ALOX12B: variants seen among roughly 807,000 people sequenced by gnomAD.
The protein encoded by ALOX12B is arachidonate 12-lipoxygenase, 12R-type.
ALOX12B carries 47 observed loss-of-function variants against 78.9 expected under a neutral mutation model. The ratio of observed to expected loss-of-function variants is 0.60; its 90% confidence interval spans 0.47 to 0.76. ALOX12B has a LOEUF of 0.76. ALOX12B is among the 30% of genes least tolerant of loss of function. The probability of loss-of-function intolerance (pLI) is 0.00; values close to 1 mark genes in which losing one functional copy is unlikely to be tolerated. For missense variants in ALOX12B, 805 were observed against 922.6 expected (o/e 0.87, Z 1.65); for synonymous variants, 370 against 374.5 (o/e 0.99, Z 0.14).
intron 2 of ALOX12B, 183 bp from the exon 3 acceptor site, chr17:8,081,370 G>A: frequency 2.9e-6 from 2 of 680,224 alleles, no homozygotes; most frequent in Non-Finnish European, 5.4e-6. Flanking sequence ...AAAGAATCAC[G>A]GACCCACCCT....
chr17:8,078,241 G>A (rs957304102), intron 8 of ALOX12B, among the ~76,000 whole-genome samples: 1 of 151,506 alleles, frequency 6.6e-6, no homozygotes, highest in Admixed American at 6.6e-5. Flanking sequence ...TGCCTCCTGG[G>A]TTCAAGAGAT....
Position 8,081,131 on chromosome 17 carries a change from TCTC to T in ALOX12B, c.406_408del (p.Glu136del), listed in dbSNP as rs749617913. The T allele has an allele frequency of 8.7e-6, 14 of 1,613,608 alleles. No homozygotes were observed. Among genetic ancestry groups the T allele is most frequent in the Admixed American group, 8.3e-5 (5 of 59,976 alleles). ...TGGTAGAAGTCCTGCTTGGCTCTGA[TCTC>T]CTCTTTTCTGTGCTCCAGGAGGACG... On this transcript the variant is annotated inframe_deletion, in exon 3 of 15. Transcript: ENST00000647874.
At position 8,079,843 on chromosome 17, in the gene ALOX12B, C is replaced by G. The variant is rs1211661462; in HGVS notation, c.853G>C (p.Asp285His). 6.2e-7 allele frequency: 1 copy of G among 1,613,640 alleles called. No homozygotes were observed. ...GLIRRCTRIP[D>H]KFPVTDDMVA... is the part of the protein sequence containing the mutation. ...ATGTCGTCTGTGACGGGGAACTTGT[C>G]TGGGATCCGCGTGCAGCGGCGGATC... is the stretch of plus-strand genomic sequence containing the variant. The change falls in exon 7 of 15, where the codon GAC becomes CAC. Residue 285 changes from aspartate (D) to histidine (H), a missense_variant. Asp to His is a moderately conservative substitution (Grantham distance 81, BLOSUM62 -1). Coordinates refer to ENST00000647874, the MANE Select transcript of ALOX12B (RefSeq NM_001139.3). The surrounding 1 kb of genome is among the most constrained non-coding windows in gnomAD (Gnocchi z 6.4).
chr17:8,085,372 G>A (rs369231797), intron 2 of ALOX12B, among the ~76,000 whole-genome samples: 2 of 152,264 alleles, frequency 1.3e-5, no homozygotes, highest in African/African-American at 4.8e-5. Flanking sequence ...GCTTGAACCT[G>A]GGAGGTGGAG....
intron 8 of ALOX12B, among the ~76,000 whole-genome samples, chr17:8,077,591 A>T (rs1255854485): frequency 1.3e-5 from 2 of 152,168 alleles, no homozygotes; most frequent in African/African-American, 4.8e-5. Context: ...ACGCTATTCC[A>T]TTAAGGAGCC....
Position 8,079,337 on chromosome 17 carries a change from T to C in ALOX12B, c.1071+59A>G. The C allele has an allele frequency of 6.5e-7, 1 of 1,546,150 alleles. No homozygotes were observed. The highest frequency in any genetic ancestry group is 1.2e-5 in the South Asian group (1 of 83,730). The stretch of plus-strand genomic sequence containing the variant: ...CACGCTCACATAAGCGCGCGCACAC[T>C]CGGAGGAGCATTCGCGCACACAGAG... On this transcript the variant is annotated intron_variant, in intron 8 of 14. Transcript: ENST00000647874. The surrounding 1 kb of genome is among the most constrained non-coding windows in gnomAD (Gnocchi z 6.4).
chr17:8,084,051 A>G (rs573326092), intron 2 of ALOX12B, among the ~76,000 whole-genome samples: 2 of 152,028 alleles, frequency 1.3e-5, no homozygotes, highest in South Asian at 4.2e-4. Flanking sequence ...CCAGCTACTC[A>G]GGAGGCTGAG....
At position 8,076,338 on chromosome 17, in the gene ALOX12B, A is replaced by G. The variant is rs1977081175; in HGVS notation, c.1369T>C (p.Ser457Pro). The G allele has an allele frequency of 1.2e-6, 2 of 1,602,192 alleles. No individual in the cohort carries two copies. The highest frequency in any genetic ancestry group is 1.7e-6 in the Non-Finnish European group (2 of 1,174,120). ...NEGGLSAKGMSLGVEGFAGVM... is the reference protein window; with the variant it reads ...NEGGLSAKGMPLGVEGFAGVM... ...CCAGCAAAGCCTTCCACGCCCAGGGACATGCCCTGTGAGGAAGGAGGCAGA... is the reference window on the plus strand; with the variant it reads ...CCAGCAAAGCCTTCCACGCCCAGGGGCATGCCCTGTGAGGAAGGAGGCAGA... The change falls in exon 11 of 15, where the codon TCC becomes CCC. Residue 457 changes from serine (S) to proline (P), a missense_variant. By Grantham distance (74) the Ser-to-Pro change is moderately conservative. Transcript: ENST00000647874.
rs769930502 is a variant in ALOX12B, at chr17:8,076,226, G to T, written c.1481C>A (p.Pro494His). 1 of 1,614,018 alleles carries T rather than the reference G, an allele frequency of 6.2e-7. No homozygotes were observed. Among genetic ancestry groups the T allele is most frequent in the Non-Finnish European group, 8.5e-7 (1 of 1,180,044 alleles). Reference sequence around the variant, plus strand: ...GCTGTCATCGCGGTAGTAATATCCAGGCAGGTCCTGGACCCCACGCTCCAC... The same window carrying T: ...GCTGTCATCGCGGTAGTAATATCCATGCAGGTCCTGGACCCCACGCTCCAC... ...DFVERGVQDL[P>H]GYYYRDDSLA... Residue 494 changes from proline to histidine, a missense_variant, in exon 11 of 15, where the codon CCT becomes CAT. By Grantham distance (77) the Pro-to-His change is moderately conservative. Coordinates refer to ENST00000647874, the MANE Select transcript of ALOX12B (RefSeq NM_001139.3).
At chr17:8,083,059 A>G (rs1236834358) in intron 2 of ALOX12B, among the ~76,000 whole-genome samples, 1 of 152,160 alleles carries the variant, frequency 6.6e-6, no homozygotes, top group African/African-American at 2.4e-5. Context: ...TACAATCTTT[A>G]TTTAACTCAC....
rs779456276 is a variant in ALOX12B at position 8,086,104 on chromosome 17, C to T, written c.264G>A (p.Gln88=). ...PKDPWYCNYV[Q]ICAPNGRIYH... ...AGATACGGCCGTTGGGGGCACAGATCTGCACATAGTTGCAGTACCAAGGGT... is the reference window on the plus strand; with the variant it reads ...AGATACGGCCGTTGGGGGCACAGATTTGCACATAGTTGCAGTACCAAGGGT... Residue 88 remains glutamine (Q), a synonymous_variant, in exon 2 of 15, where the codon CAG becomes CAA. Coordinates refer to ENST00000647874, the MANE Select transcript of ALOX12B (RefSeq NM_001139.3). The T allele has an allele frequency of 6.2e-7, 1 of 1,614,180 alleles. No individual in the cohort carries two copies. Among genetic ancestry groups the T allele is most frequent in the Non-Finnish European group, 8.5e-7 (1 of 1,180,008 alleles).
intron 8 of ALOX12B, among the ~76,000 whole-genome samples, chr17:8,078,543 G>T (rs1977137752): frequency 6.6e-6 from 1 of 150,900 alleles, no homozygotes; most frequent in South Asian, 2.1e-4. Context: ...GGCTGAGGCG[G>T]GAGAATCGCT....
rs1977155659 is a variant in ALOX12B at position 8,079,348 on chromosome 17, T to A, written c.1071+48A>T. 5 of 1,548,132 alleles carry A rather than the reference T, an allele frequency of 3.2e-6. No individual in the cohort carries two copies. The highest frequency in any genetic ancestry group is 4.4e-6 in the Non-Finnish European group (5 of 1,146,366). On this transcript the variant is annotated intron_variant, in intron 8 of 14. Transcript: ENST00000647874. The surrounding 1 kb of genome is among the most constrained non-coding windows in gnomAD (Gnocchi z 6.4). The stretch of plus-strand genomic sequence containing the variant: ...AAGCGCGCGCACACTCGGAGGAGCA[T>A]TCGCGCACACAGAGGCTCAGCGGCA...
chr17:8,085,318 T>C (rs1015820011), intron 2 of ALOX12B, among the ~76,000 whole-genome samples: 5 of 152,062 alleles, frequency 3.3e-5, no homozygotes, highest in Non-Finnish European at 7.4e-5. Context: ...CCATCTCTAC[T>C]AAAAATGCAA....
At chr17:8,086,306 C>A in intron 1 of ALOX12B, 86 bp from the exon 2 acceptor site, 1 of 1,327,632 alleles carries the variant, frequency 7.5e-7, no homozygotes, top group African/African-American at 1.5e-5. Context: ...CACCTAGGCC[C>A]TGCTCATGCT....
At chr17:8,083,983 C>T (rs1483086553) in intron 2 of ALOX12B, among the ~76,000 whole-genome samples, 1 of 151,962 alleles carries the variant, frequency 6.6e-6, no homozygotes, top group African/African-American at 2.4e-5. Context: ...ACGGTGAAAC[C>T]CCATCTGTAC....
chr17:8,076,066 C>T, intron 11 of ALOX12B, 109 bp downstream of exon 11: 1 of 1,444,054 alleles, frequency 6.9e-7, no homozygotes, highest in Admixed American at 1.8e-5. Flanking sequence ...CAAGGCCAAG[C>T]CCCTGGATGA....
Position 8,072,741 on chromosome 17 carries a change from A to G in ALOX12B, c.*30T>C. ...TTTGTTGAAAATAGTAGGGCACAGA[A>G]TGGGGAGAGGAGAGACGGGAAGCGC... is the stretch of plus-strand genomic sequence containing the variant. On this transcript the variant is annotated 3_prime_UTR_variant, in exon 15 of 15. Coordinates refer to ENST00000647874, the MANE Select transcript of ALOX12B (RefSeq NM_001139.3). The G allele has an allele frequency of 6.2e-7, 1 of 1,613,624 alleles. No individual in the cohort carries two copies. The highest frequency in any genetic ancestry group is 8.5e-7 in the Non-Finnish European group (1 of 1,179,492).
chr17:8,080,175 C>T lies in ALOX12B; in HGVS notation c.754+60G>A. 3 of 1,580,324 alleles carry T rather than the reference C, an allele frequency of 1.9e-6. No homozygotes were observed. The highest frequency in any genetic ancestry group is 2.6e-6 in the Non-Finnish European group (3 of 1,149,392). ...CCACTGCCCCGAAGTCGGGGGCCTG[C>T]CTAGCACGCCGGAGACCGCCTGGCT... On this transcript the variant is annotated intron_variant, in intron 6 of 14. Transcript: ENST00000647874. The surrounding 1 kb of genome is among the most constrained non-coding windows in gnomAD (Gnocchi z 4.8).
Sources: allele counts gnomAD v4.1 joint callset (sites outside exome capture counted in the v4.1 genomes callset), GRCh38; gene constraint gnomAD v4.1.1; non-coding constraint Gnocchi (gnomAD v3.1); transcripts MANE v1.5; gene names NCBI Gene and HGNC (gene_info 2026-07-23, HGNC 2026-07-21).